Variants in RSRC1 observed in about 807,000 individuals in gnomAD.
The protein encoded by RSRC1 is arginine and serine rich coiled-coil 1, also known as serine/Arginine-related protein 53.
Under a neutral mutation model 49.1 loss-of-function variants are expected in RSRC1, and 39 were observed. That is an observed-to-expected ratio of 0.79 (90% CI 0.61 to 1.04). RSRC1 has a LOEUF of 1.04. Ranked by LOEUF, RSRC1 falls within the 50% of genes least tolerant of loss-of-function variation. The probability of loss-of-function intolerance (pLI) is 0.00; values close to 1 mark genes in which losing one functional copy is unlikely to be tolerated. For missense variants in RSRC1, 388 were observed against 402.4 expected, an observed-to-expected ratio of 0.96 and a Z score of 0.31; for synonymous variants, 143 against 130.8, an observed-to-expected ratio of 1.09 and a Z score of -0.63.
At chr3:158,303,649 A>G (rs1420139842) in intron 5 of RSRC1, 23 of 152,210 alleles carry the variant, frequency 1.5e-4, no homozygotes, top group Admixed American at 1.5e-3. Flanking sequence ...ACATGTGTCC[A>G]ATGAAGAAGG....
intron 7 of RSRC1, among the ~76,000 whole-genome samples, chr3:158,526,121 A>G (rs1221457707): frequency 6.6e-6 from 1 of 151,992 alleles, no homozygotes; most frequent in Admixed American, 6.6e-5. Flanking sequence ...GATGCACTTC[A>G]TTATTGATAT....
intron 6 of RSRC1, among the ~76,000 whole-genome samples, chr3:158,449,254 A>G (rs1053499726): frequency 2.6e-5 from 4 of 151,980 alleles, no homozygotes; most frequent in Non-Finnish European, 4.4e-5. Flanking sequence ...AAAAAATTTA[A>G]TAATGAAATA....
In RSRC1 at chr3:158,514,537, G is replaced by C. The variant is rs570192427; in HGVS notation, c.653-22555G>C. ...TTGCTGAGGAGAGCTTTACTTCCAC[G>C]TATGTGGTCAATTTTGGAATAGGTG... On this transcript the variant is annotated intron_variant, in intron 7 of 9. Coordinates refer to ENST00000611884, the MANE Select transcript of RSRC1 (RefSeq NM_001271838.2). Among the ~76,000 whole-genome samples the C allele has an allele frequency of 7.5e-3, 1,144 of 152,008 alleles. 15 individuals carry two copies. The highest frequency in any genetic ancestry group is 0.025 in the African/African-American group (1,055 of 41,404).
intron 6 of RSRC1, among the ~76,000 whole-genome samples, chr3:158,416,704 A>C (rs1325978025): frequency 6.6e-6 from 1 of 152,116 alleles, no homozygotes; most frequent in African/African-American, 2.4e-5. Flanking sequence ...TTTATAAGCA[A>C]ACTTAATAAT....
intron 3 of RSRC1, among the ~76,000 whole-genome samples, chr3:158,142,682 A>G (rs1254569584): frequency 1.3e-5 from 2 of 152,094 alleles, no homozygotes; most frequent in African/African-American, 4.8e-5. Context: ...AACAAACCAG[A>G]TCTCCGTAGA....
intron 1 of RSRC1, among the ~76,000 whole-genome samples, chr3:158,116,335 AAGC>A (rs780641947): frequency 9.2e-5 from 14 of 152,198 alleles, no homozygotes; most frequent in Non-Finnish European, 2.1e-4. Context: ...TTCATAATAA[AAGC>A]AGCTAATTCA....
intron 6 of RSRC1, among the ~76,000 whole-genome samples, chr3:158,437,965 C>G (rs1390556804): frequency 6.6e-6 from 1 of 152,180 alleles, no homozygotes; most frequent in African/African-American, 2.4e-5. Context: ...ACAACTTCAG[C>G]AAAGTCTCAG....
intron 1 of RSRC1, among the ~76,000 whole-genome samples, chr3:158,112,514 A>C (rs1294860609): frequency 1.3e-5 from 2 of 152,166 alleles, no homozygotes; most frequent in African/African-American, 4.8e-5. Flanking sequence ...GTTAACTATA[A>C]CAAAGAAATA....
intron 6 of RSRC1, among the ~76,000 whole-genome samples, chr3:158,356,286 T>A (rs1398982490): frequency 6.6e-6 from 1 of 152,086 alleles, no homozygotes; most frequent in African/African-American, 2.4e-5. Context: ...AATAGTTATA[T>A]TTTTAGGATT....
At chr3:158,162,931 A>G (rs1718320116) in intron 3 of RSRC1, among the ~76,000 whole-genome samples, 1 of 152,192 alleles carries the variant, frequency 6.6e-6, no homozygotes, top group Admixed American at 6.5e-5. Context: ...AAAAGGAAGA[A>G]TAATTTCTAA....
intron 6 of RSRC1, among the ~76,000 whole-genome samples, chr3:158,383,309 G>T (rs569478710): frequency 8.5e-4 from 130 of 152,226 alleles, no homozygotes; most frequent in Non-Finnish European, 1.6e-3. Flanking sequence ...ATATCCACTG[G>T]TATGGAACCC....
At chr3:158,528,375 C>G (rs1181575479) in intron 7 of RSRC1, among the ~76,000 whole-genome samples, 2 of 151,846 alleles carry the variant, frequency 1.3e-5, no homozygotes, top group African/African-American at 4.8e-5. Context: ...TAATTTCTAT[C>G]AATTAGCGGG....
At chr3:158,332,731 G>T (rs1326804685) in intron 5 of RSRC1, among the ~76,000 whole-genome samples, 1 of 151,774 alleles carries the variant, frequency 6.6e-6, no homozygotes, top group African/African-American at 2.4e-5. Flanking sequence ...AAAAGAAAAA[G>T]AAAAATTATT....
chr3:158,308,125 A>G (rs908050278), intron 5 of RSRC1, among the ~76,000 whole-genome samples: 1 of 151,974 alleles, frequency 6.6e-6, no homozygotes, highest in African/African-American at 2.4e-5. Context: ...TGTAACTGTT[A>G]TACACAGATT....
chr3:158,254,899 A>T (rs1362228003), intron 4 of RSRC1, among the ~76,000 whole-genome samples: 1 of 151,262 alleles, frequency 6.6e-6, no homozygotes, highest in African/African-American at 2.4e-5. Context: ...TCCTCTACCC[A>T]CTTTTTGATG....
At chr3:158,505,018 A>G (rs868505624) in intron 7 of RSRC1, among the ~76,000 whole-genome samples, 14 of 152,290 alleles carry the variant, frequency 9.2e-5, no homozygotes, top group African/African-American at 3.4e-4. Flanking sequence ...TACTAACACA[A>G]ATATTTATGG....
At chr3:158,186,669 A>G (rs1194131411) in intron 3 of RSRC1, among the ~76,000 whole-genome samples, 1 of 151,950 alleles carries the variant, frequency 6.6e-6, no homozygotes, top group Non-Finnish European at 1.5e-5. Flanking sequence ...GCTTATCTGG[A>G]TCTAAGAAGT....
At chr3:158,312,079 G>A (rs1210973084) in intron 5 of RSRC1, among the ~76,000 whole-genome samples, 2 of 151,156 alleles carry the variant, frequency 1.3e-5, no homozygotes, top group Non-Finnish European at 2.9e-5. Flanking sequence ...CACATTTCTT[G>A]GTTTTATAGA....
At chr3:158,279,719 A>C (rs931126014) in intron 4 of RSRC1, among the ~76,000 whole-genome samples, 7 of 152,370 alleles carry the variant, frequency 4.6e-5, no homozygotes, top group Non-Finnish European at 1.0e-4. Flanking sequence ...GAACTAGAAT[A>C]AAACAAAAGT....
Sources: allele counts gnomAD v4.1 joint callset (sites outside exome capture counted in the v4.1 genomes callset), GRCh38; gene constraint gnomAD v4.1.1; transcripts MANE v1.5; gene names NCBI Gene and HGNC (gene_info 2026-07-23, HGNC 2026-07-21).